Variants in PCDHGA1 observed in about 807,000 individuals in gnomAD.
The protein encoded by PCDHGA1 is protocadherin gamma-A1.
In PCDHGA1, 32 loss-of-function variants were observed where a neutral mutation model predicts 58.0. The observed-to-expected ratio is 0.55, with a 90% CI of 0.42 to 0.74. PCDHGA1 has a LOEUF of 0.74. Among genes scored for constraint, PCDHGA1 ranks in the 30% least tolerant of loss-of-function variants. The pLI is 0.00. For missense variants in PCDHGA1, 1,205 were observed against 1,182.3 expected, an observed-to-expected ratio of 1.02 and a Z score of -0.28; for synonymous variants, 498 against 501.1, an observed-to-expected ratio of 0.99 and a Z score of 0.08.
In PCDHGA1 at chr5:141,485,848, C is replaced by A; in HGVS notation, c.2422-8959C>A. The stretch of plus-strand genomic sequence containing the variant: ...GAGGGAACCCGCCGAGATCTGGCAC[C>A]GCAGAGCTCCGGGTATCCGTGCTGG... On this transcript the variant is annotated intron_variant, in intron 1 of 3. Transcript: ENST00000517417. This position sits in a 1 kb window ranked among gnomAD's most constrained non-coding sequence, Gnocchi z 5.7. 1 of 1,614,192 alleles carries A rather than the reference C, an allele frequency of 6.2e-7. No homozygotes were observed. The highest frequency in any genetic ancestry group is 8.5e-7 in the Non-Finnish European group (1 of 1,180,020).
rs2099883943 is a variant in PCDHGA1, at chr5:141,511,766, G to A, written c.*593G>A. ...TGGAGGACATGATCACCATCCCCAT[G>A]GTACTGATGCTTGCTGGATTTAGGG... On this transcript the variant is annotated 3_prime_UTR_variant, in exon 4 of 4. Coordinates refer to ENST00000517417, the MANE Select transcript of PCDHGA1 (RefSeq NM_018912.3). 2 of 161,712 alleles carry A rather than the reference G, an allele frequency of 1.2e-5. No homozygotes were observed. Among genetic ancestry groups the A allele is most frequent in the Non-Finnish European group, 2.8e-5 (2 of 72,704 alleles). The allele number at this position is 161,712 out of a possible 1,614,324, so 10.0% of individuals were successfully genotyped here.
chr5:141,456,633 C>CT (rs1229637837), intron 1 of PCDHGA1, among the ~76,000 whole-genome samples: 1 of 152,182 alleles, frequency 6.6e-6, no homozygotes, highest in Non-Finnish European at 1.5e-5. Context: ...CTCTTCTTTA[C>CT]TACAGGTGTT....
chr5:141,382,326 T>G (rs1007367155), intron 1 of PCDHGA1, among the ~76,000 whole-genome samples: 1 of 152,352 alleles, frequency 6.6e-6, no homozygotes, highest in Admixed American at 6.5e-5. Context: ...TGTAAATATT[T>G]TCTAAGTAAA....
At chr5:141,374,589 G>A (rs1385892757) in intron 1 of PCDHGA1, 1 of 1,613,676 alleles carries the variant, frequency 6.2e-7, no homozygotes, top group Non-Finnish European at 8.5e-7. Context: ...TCCCTTCAGG[G>A]ATTTAAGCTC....
rs756857668 is a variant in PCDHGA1, at chr5:141,389,399, A to C, written c.2421+56294A>C. ...GGGAGCTGTCATCCTACGTGTCCAT[A>C]AGCGCGGAGAGCGGGGTGGTGTTCG... On this transcript the variant is annotated intron_variant, in intron 1 of 3. Coordinates refer to ENST00000517417, the MANE Select transcript of PCDHGA1 (RefSeq NM_018912.3). 67 of 1,613,528 alleles carry C rather than the reference A, an allele frequency of 4.2e-5. 1 individual carries two copies. Among genetic ancestry groups the C allele is most frequent in the South Asian group, 5.5e-5 (5 of 91,094 alleles).
intron 2 of PCDHGA1, among the ~76,000 whole-genome samples, chr5:141,499,326 C>G (rs1465474737): frequency 6.6e-6 from 1 of 152,156 alleles, no homozygotes; most frequent in Non-Finnish European, 1.5e-5. Flanking sequence ...TATCCCTGCT[C>G]TCTCTCAGTT....
In PCDHGA1 at chr5:141,462,383, G is replaced by A. The variant is rs78537075; in HGVS notation, c.2422-32424G>A. Among the ~76,000 whole-genome samples the A allele has an allele frequency of 5.6e-4, 85 of 151,920 alleles. 1 individual carries two copies. In the East Asian group the frequency reaches 0.016, roughly 29 times the overall value. ...GTATAGTTTCTATTCTTTTAAATTC[G>A]TTAACATTTCTTTTATGGCACAGAA... On this transcript the variant is annotated intron_variant, in intron 1 of 3. Transcript: ENST00000517417.
At chr5:141,347,137 C>CTCTTTCTTTCTCTCTTTCTT (rs1757891131) in intron 1 of PCDHGA1, among the ~76,000 whole-genome samples, 3 of 113,834 alleles carry the variant, frequency 2.6e-5, no homozygotes, top group Non-Finnish European at 5.2e-5. Flanking sequence ...CTCTGTTTCT[C>CTCTTTCTTTCTCTCTTTCTT]TCTTTCTTTC....
chr5:141,451,797 C>T (rs1207473455), intron 1 of PCDHGA1, among the ~76,000 whole-genome samples: 1 of 152,006 alleles, frequency 6.6e-6, no homozygotes, highest in African/African-American at 2.4e-5. Context: ...CAGAGAATTG[C>T]TTGAACCCAG....
At chr5:141,503,660 C>A (rs2099827842) in intron 2 of PCDHGA1, among the ~76,000 whole-genome samples, 1 of 150,420 alleles carries the variant, frequency 6.6e-6, no homozygotes, top group Non-Finnish European at 1.5e-5. Flanking sequence ...AACAGAATTA[C>A]AACTCTTCCC....
intron 1 of PCDHGA1, chr5:141,345,826 C>T: frequency 6.2e-7 from 1 of 1,613,600 alleles, no homozygotes. Context: ...GACAGAGACT[C>T]GGGCCAGAAC....
Position 141,477,818 on chromosome 5 carries a change from C to T in PCDHGA1, c.2422-16989C>T, listed in dbSNP as rs202009040. 33 of 1,614,040 alleles carry T rather than the reference C, an allele frequency of 2.0e-5. No homozygotes were observed. The highest frequency in any genetic ancestry group is 1.3e-4 in the Admixed American group (8 of 60,006). On this transcript the variant is annotated intron_variant, in intron 1 of 3. Transcript: ENST00000517417. This position sits in a 1 kb window ranked among gnomAD's most constrained non-coding sequence, Gnocchi z 4.9. ...TCGCAATGACAATGCCCCCCAGGTCCTATATCCTCGGCCAGGTGGGAGCTC... is the reference window on the plus strand; with the variant it reads ...TCGCAATGACAATGCCCCCCAGGTCTTATATCCTCGGCCAGGTGGGAGCTC...
At chr5:141,340,603 C>A (rs1283666005) in intron 1 of PCDHGA1, 1 of 1,614,200 alleles carries the variant, frequency 6.2e-7, no homozygotes, top group Admixed American at 1.7e-5. Flanking sequence ...CACTCAGTAG[C>A]AATGTATCAT....
chr5:141,399,602 T>G, intron 1 of PCDHGA1: 1 of 1,613,956 alleles, frequency 6.2e-7, no homozygotes, highest in South Asian at 1.1e-5. Context: ...GCCAGCGACC[T>G]AGAGCCTCTG....
chr5:141,427,883 C>G (rs2097084423), intron 1 of PCDHGA1: 3 of 1,563,818 alleles, frequency 1.9e-6, no homozygotes, highest in Non-Finnish European at 1.7e-6. Flanking sequence ...TGCAGGCCCA[C>G]GACCAGGGCT....
In PCDHGA1 at chr5:141,407,971, G is replaced by C. The variant is rs1399304138; in HGVS notation, c.2421+74866G>C. The C allele has an allele frequency of 7.0e-5, 50 of 717,762 alleles. No homozygotes were observed. In the South Asian group the frequency reaches 1.2e-3, roughly 17 times the overall value. 44.5% of individuals were successfully genotyped at this position (717,762 alleles called of 1,614,324 possible). On this transcript the variant is annotated intron_variant, in intron 1 of 3. Coordinates refer to ENST00000517417, the MANE Select transcript of PCDHGA1 (RefSeq NM_018912.3). The stretch of plus-strand genomic sequence containing the variant: ...CGGCCAGTGCAGAGCAAGCGCTGAC[G>C]CCGGGGATCCGTCAGCCTCTGGCCT...
At chr5:141,341,323 C>T in intron 1 of PCDHGA1, 3 of 1,614,232 alleles carry the variant, frequency 1.9e-6, no homozygotes, top group Non-Finnish European at 2.5e-6. Flanking sequence ...GCCAGGAGAG[C>T]TGTGAGAAAA....
In PCDHGA1 at chr5:141,400,030, C is replaced by T. The variant is rs201599536; in HGVS notation, c.2421+66925C>T. 180 of 1,613,050 alleles carry T rather than the reference C, an allele frequency of 1.1e-4. No individual in the cohort carries two copies. Among genetic ancestry groups the T allele is most frequent in the East Asian group, 1.6e-4 (7 of 44,886 alleles). On this transcript the variant is annotated intron_variant, in intron 1 of 3. Coordinates refer to ENST00000517417, the MANE Select transcript of PCDHGA1 (RefSeq NM_018912.3). Reference sequence around the variant, plus strand: ...TGCCTTGGGCGACAGGGACGCGGCCCGCCAGCGCCTGCTGGTTGCTGTGCG... The same window carrying T: ...TGCCTTGGGCGACAGGGACGCGGCCTGCCAGCGCCTGCTGGTTGCTGTGCG...
In PCDHGA1 at chr5:141,431,931, C is replaced by T. The variant is rs2097430107; in HGVS notation, c.2422-62876C>T. ...ATCTGTTTCATCCAAGGAAATCTGCCCTTTAAATTAGAAAAATCTTACGGA... is the reference window on the plus strand; with the variant it reads ...ATCTGTTTCATCCAAGGAAATCTGCTCTTTAAATTAGAAAAATCTTACGGA... On this transcript the variant is annotated intron_variant, in intron 1 of 3. Transcript: ENST00000517417. This position sits in a 1 kb window ranked among gnomAD's most constrained non-coding sequence, Gnocchi z 4.8. The T allele has an allele frequency of 6.2e-7, 1 of 1,613,924 alleles. No homozygotes were observed. Among genetic ancestry groups the T allele is most frequent in the Admixed American group, 1.7e-5 (1 of 59,986 alleles).
Sources: gnomAD v4.1 joint callset for allele counts (sites outside exome capture counted in the v4.1 genomes callset) on GRCh38, gnomAD v4.1.1 for gene constraint, Gnocchi (gnomAD v3.1) non-coding constraint, MANE v1.5 for transcripts, NCBI Gene and HGNC (gene_info 2026-07-23, HGNC 2026-07-21) for gene names.